AGBL4: variants seen among roughly 807,000 people sequenced by gnomAD.
AGBL4 encodes AGBL carboxypeptidase 4.
AGBL4 carries 58 observed loss-of-function variants against 66.4 expected under a neutral mutation model. The observed-to-expected ratio is 0.87, with a 90% CI of 0.71 to 1.09. The LOEUF (loss-of-function observed/expected upper bound fraction) is 1.09. Ranked by LOEUF, AGBL4 falls within the 50% of genes least tolerant of loss-of-function variation. The pLI, the probability that AGBL4 is intolerant of heterozygous loss-of-function variation, is 0.00. For missense variants in AGBL4, 579 were observed against 631.0 expected (o/e 0.92, Z 0.88); for synonymous variants, 234 against 222.9 (o/e 1.05, Z -0.44).
At chr1:49,925,755 A>T (rs1284343504) in intron 1 of AGBL4, among the ~76,000 whole-genome samples, 3 of 152,210 alleles carry the variant, frequency 2.0e-5, no homozygotes, top group Admixed American at 1.3e-4. Flanking sequence ...CCCCGTGGGC[A>T]GGTGGTAGTG....
chr1:49,007,902 A>G (rs187817378), intron 5 of AGBL4, among the ~76,000 whole-genome samples: 98,694 of 149,020 alleles, frequency 0.66, 33,244 homozygotes, highest in African/African-American at 0.72. Flanking sequence ...AGGAACAACC[A>G]GTACCAGCCA....
chr1:49,663,920 G>C (rs2124500910), intron 3 of AGBL4, among the ~76,000 whole-genome samples: 1 of 152,016 alleles, frequency 6.6e-6, no homozygotes, highest in Non-Finnish European at 1.5e-5. Context: ...AGTACAGTTT[G>C]AAGCAACAGA....
chr1:50,016,378 A>C (rs1227447875), intron 1 of AGBL4, among the ~76,000 whole-genome samples: 1 of 152,260 alleles, frequency 6.6e-6, no homozygotes, highest in East Asian at 1.9e-4. Context: ...CCTGGCCAAC[A>C]TGGCAAAACC....
At chr1:49,488,860 G>T (rs1169743324) in intron 3 of AGBL4, among the ~76,000 whole-genome samples, 1 of 151,816 alleles carries the variant, frequency 6.6e-6, no homozygotes, top group Non-Finnish European at 1.5e-5. Context: ...GCAAATGACA[G>T]GATCTCATTC....
chr1:49,017,973 C>T (rs1415097315), intron 5 of AGBL4, among the ~76,000 whole-genome samples: 1 of 152,154 alleles, frequency 6.6e-6, no homozygotes, highest in Non-Finnish European at 1.5e-5. Flanking sequence ...GTTTCATTCC[C>T]CTTCACCATT....
At chr1:48,591,090 A>ACC (rs151241264) in intron 9 of AGBL4, 105 bp from the exon 10 acceptor site, 29,389 of 520,362 alleles carry the variant, frequency 0.056, 358 homozygotes, top group South Asian at 0.095. Flanking sequence ...ACACCCACCC[A>ACC]CCCCCCCCCA....
chr1:49,323,743 T>G (rs2148480144), intron 3 of AGBL4, among the ~76,000 whole-genome samples: 1 of 148,420 alleles, frequency 6.7e-6, no homozygotes, highest in South Asian at 2.2e-4. Context: ...CACTCCAGCC[T>G]GGGTGGCAGA....
chr1:49,552,435 A>G (rs917781084), intron 3 of AGBL4, among the ~76,000 whole-genome samples: 1 of 152,194 alleles, frequency 6.6e-6, no homozygotes, highest in Admixed American at 6.5e-5. Flanking sequence ...GGTGCCAGAC[A>G]GGAATGGCCT....
intron 1 of AGBL4, among the ~76,000 whole-genome samples, chr1:49,892,429 C>T (rs77357960): frequency 6.6e-6 from 1 of 152,140 alleles, no homozygotes; most frequent in African/African-American, 2.4e-5. Context: ...ATTCCTTCTA[C>T]TTAGTGTGCT....
At chr1:48,925,743 C>T (rs532757666) in intron 5 of AGBL4, among the ~76,000 whole-genome samples, 13 of 152,212 alleles carry the variant, frequency 8.5e-5, no homozygotes, top group East Asian at 1.9e-4. Context: ...GCAGAACTTA[C>T]GGATATGGAG....
intron 6 of AGBL4, among the ~76,000 whole-genome samples, chr1:48,702,953 A>G (rs141063152): frequency 6.6e-6 from 1 of 152,288 alleles, no homozygotes; most frequent in African/African-American, 2.4e-5. Context: ...TCCCACAGTG[A>G]GGGGTTAACA....
At chr1:49,679,415 C>T (rs1173574454) in intron 3 of AGBL4, among the ~76,000 whole-genome samples, 5 of 151,756 alleles carry the variant, frequency 3.3e-5, no homozygotes, top group African/African-American at 1.2e-4. Context: ...GTGTGTGAAT[C>T]TCCATCATTT....
At chr1:49,856,717 A>G (rs1646441933) in intron 1 of AGBL4, among the ~76,000 whole-genome samples, 1 of 152,142 alleles carries the variant, frequency 6.6e-6, no homozygotes, top group African/African-American at 2.4e-5. Context: ...TTAGCTACAG[A>G]AAGAACATAT....
rs569046182 is a variant in AGBL4, at chr1:49,520,329, C to T, written c.282+176984G>A. Among the ~76,000 whole-genome samples the T allele has an allele frequency of 2.6e-5, 4 of 151,982 alleles. No individual in the cohort carries two copies. The East Asian group carries it at 7.7e-4, about 29-fold the overall frequency. On this transcript the variant is annotated intron_variant, in intron 3 of 13. Transcript: ENST00000371839. ...CATCTCAAAAATAAAACAAAACAAC[C>T]CTGCAAAACTGAAATAAGTAAAAAT...
intron 3 of AGBL4, among the ~76,000 whole-genome samples, chr1:49,383,319 C>A (rs1644663382): frequency 6.6e-6 from 1 of 152,068 alleles, no homozygotes. Context: ...CATATAATAT[C>A]TCATAAGACT....
At chr1:48,597,882 AAAAG>A (rs143847763) in intron 9 of AGBL4, among the ~76,000 whole-genome samples, 8,999 of 151,500 alleles carry the variant, frequency 0.059, 303 homozygotes, top group African/African-American at 0.1. Flanking sequence ...AAGAAAGAAA[AAAAG>A]AAAGAGGGAG....
At chr1:49,999,552 T>A (rs1053771668) in intron 1 of AGBL4, among the ~76,000 whole-genome samples, 1 of 151,928 alleles carries the variant, frequency 6.6e-6, no homozygotes, top group African/African-American at 2.4e-5. Context: ...AATACCACCA[T>A]CATTCTTCAC....
chr1:49,925,468 G>T (rs11803306), intron 1 of AGBL4, among the ~76,000 whole-genome samples: 8,082 of 152,182 alleles, frequency 0.053, 236 homozygotes, highest in African/African-American at 0.071. Flanking sequence ...TGGCTACAGG[G>T]AGTGGTCCCT....
At chr1:49,453,692 A>G (rs1646328309) in intron 3 of AGBL4, among the ~76,000 whole-genome samples, 1 of 151,900 alleles carries the variant, frequency 6.6e-6, no homozygotes. Context: ...AGAACATTTA[A>G]TTAATATAAC....
Sources: allele counts gnomAD v4.1 joint callset (sites outside exome capture counted in the v4.1 genomes callset), GRCh38; gene constraint gnomAD v4.1.1; transcripts MANE v1.5; gene names NCBI Gene and HGNC (gene_info 2026-07-23, HGNC 2026-07-21).